The following SYNE1 variants were observed in gnomAD, a reference collection of about 807,000 sequenced individuals.
SYNE1 encodes nesprin-1.
SYNE1 carries 616 observed loss-of-function variants against 1,111.0 expected under a neutral mutation model. The ratio of observed to expected loss-of-function variants is 0.55; its 90% CI spans 0.52 to 0.59. SYNE1 has a LOEUF of 0.59. Ranked by LOEUF, SYNE1 falls within the 20% of genes least tolerant of loss-of-function variation. The pLI is 0.00. For missense variants in SYNE1, 10,006 were observed against 10,417.0 expected (o/e 0.96, Z 1.72); for synonymous variants, 3,855 against 3,825.8 (o/e 1.01, Z -0.28).
At chr6:152,575,872 C>T (rs2099494491) in intron 3 of SYNE1, among the ~76,000 whole-genome samples, 1 of 152,204 alleles carries the variant, frequency 6.6e-6, no homozygotes, top group African/African-American at 2.4e-5. Flanking sequence ...TACTTTCTAT[C>T]TTAGCAACTT....
In SYNE1 at chr6:152,247,696, C is replaced by T. The variant is rs547468645; in HGVS notation, c.19572+1465G>A. ...ACCAGCCTGGGCAACAAAGTGAGACCCTATCTCCATATTAAAATATATATT... is the reference window on the plus strand; with the variant it reads ...ACCAGCCTGGGCAACAAAGTGAGACTCTATCTCCATATTAAAATATATATT... On this transcript the variant is annotated intron_variant, in intron 105 of 145. Coordinates refer to ENST00000367255, the MANE Select transcript of SYNE1 (RefSeq NM_182961.4). Among the ~76,000 whole-genome samples the T allele has an allele frequency of 5.8e-5, 8 of 137,182 alleles. 2 individuals carry two copies. In the South Asian group the frequency reaches 2.0e-3, roughly 34 times the overall value. 90.0% of individuals were successfully genotyped at this position (137,182 alleles called of 152,430 possible). A position where few individuals can be genotyped will look rare whatever the true frequency, so the allele number is the denominator to read the frequency against.
In SYNE1 at chr6:152,321,831, G is replaced by T. The variant is rs781354327; in HGVS notation, c.15973C>A (p.Arg5325=). 2 of 1,613,736 alleles carry T rather than the reference G, an allele frequency of 1.2e-6. No homozygotes were observed. The highest frequency in any genetic ancestry group is 1.3e-5 in the African/African-American group (1 of 74,938). ...GKLVKQELKD[R]EMVETQINSV... ...TTGATCTGAGTCTCCACCATTTCTC[G>T]GTCCTTCAGCTCTTGCTTCACCAAC... Residue 5325 remains arginine, a synonymous_variant, in exon 83 of 146, where the codon CGA becomes AGA. Coordinates refer to ENST00000367255, the MANE Select transcript of SYNE1 (RefSeq NM_182961.4).
chr6:152,465,760 AACACATACACACAC>A (rs2098761312), intron 17 of SYNE1, among the ~76,000 whole-genome samples: 3 of 133,212 alleles, frequency 2.3e-5, no homozygotes, highest in Admixed American at 2.2e-4. Context: ...CTCTTAGAAG[AACACATACACACAC>A]ACACACACAC....
chr6:152,594,732 A>T (rs973373337), intron 3 of SYNE1, among the ~76,000 whole-genome samples: 1 of 152,234 alleles, frequency 6.6e-6, no homozygotes, highest in Admixed American at 6.5e-5. Context: ...AACTCTTCCA[A>T]GGAATTTCTA....
At chr6:152,417,674 C>CAT (rs2098183831) in intron 40 of SYNE1, among the ~76,000 whole-genome samples, 1 of 151,902 alleles carries the variant, frequency 6.6e-6, no homozygotes, top group Non-Finnish European at 1.5e-5. Context: ...TTTAAAGATG[C>CAT]ATATATGTAT....
chr6:152,474,672 C>A (rs887546458), intron 14 of SYNE1: 2 of 152,142 alleles, frequency 1.3e-5, no homozygotes, highest in African/African-American at 4.8e-5. Flanking sequence ...TACTTGACAA[C>A]AATGTGTAAG....
At chr6:152,231,811 T>C (rs990506235) in intron 113 of SYNE1, among the ~76,000 whole-genome samples, 20 of 152,158 alleles carry the variant, frequency 1.3e-4, no homozygotes, top group Admixed American at 5.2e-4. Flanking sequence ...TGTATATATA[T>C]ATTTAGGTAG....
chr6:152,127,014 A>G (rs1414459301), intron 145 of SYNE1: 1 of 152,166 alleles, frequency 6.6e-6, no homozygotes, highest in East Asian at 1.9e-4. Context: ...TCCTGCCCTT[A>G]TGTGTCTTGT....
At chr6:152,170,458 AC>A (rs1413269439) in intron 130 of SYNE1, among the ~76,000 whole-genome samples, 1 of 152,182 alleles carries the variant, frequency 6.6e-6, no homozygotes, top group Non-Finnish European at 1.5e-5. Flanking sequence ...ACTCAGTAAG[AC>A]CTGGGCCACA....
At chr6:152,332,756 TA>T (rs1237435071) in intron 77 of SYNE1, among the ~76,000 whole-genome samples, 1 of 152,232 alleles carries the variant, frequency 6.6e-6, no homozygotes, top group African/African-American at 2.4e-5. Context: ...TAATCTTTAG[TA>T]ATAAGTGTGA....
chr6:152,321,397 A>G lies in SYNE1; in HGVS notation c.16084-7T>C. Reference sequence around the variant, plus strand: ...TGGCTTCTGTTAGGAGAATCTGAAGAAAAGATCAAAATAAGAAATTTCTGG... The same window carrying G: ...TGGCTTCTGTTAGGAGAATCTGAAGGAAAGATCAAAATAAGAAATTTCTGG... On this transcript the variant is annotated splice_polypyrimidine_tract_variant and splice_region_variant and intron_variant, in intron 83 of 145. Coordinates refer to ENST00000367255, the MANE Select transcript of SYNE1 (RefSeq NM_182961.4). The G allele has an allele frequency of 6.2e-7, 1 of 1,613,424 alleles. No individual in the cohort carries two copies. The highest frequency in any genetic ancestry group is 8.5e-7 in the Non-Finnish European group (1 of 1,179,836).
In SYNE1 at chr6:152,336,891, G is replaced by T. The variant is rs774613802; in HGVS notation, c.12478C>A (p.His4160Asn). The change falls in exon 76 of 146, where the codon CAC becomes AAC. Residue 4160 changes from histidine to asparagine, a missense_variant. Coordinates refer to ENST00000367255, the MANE Select transcript of SYNE1 (RefSeq NM_182961.4). ...GCAATGTTCAGCTCCAGCTCAGAGT[G>T]CCTCCTCTTCATGTTCTGCAGTTGC... ...DQQLQNMKRR[H>N]SELELNIAQN... The T allele has an allele frequency of 1.4e-5, 23 of 1,613,990 alleles. 1 individual carries two copies. The South Asian group carries it at 2.2e-4, about 15-fold the overall frequency.
At chr6:152,429,306 C>T (rs1224212334) in intron 36 of SYNE1, among the ~76,000 whole-genome samples, 1 of 152,006 alleles carries the variant, frequency 6.6e-6, no homozygotes, top group East Asian at 1.9e-4. Flanking sequence ...AGAATATTAG[C>T]CTCTTTGGTC....
intron 19 of SYNE1, 104 bp from the exon 20 acceptor site, chr6:152,462,994 A>T (rs1469029154): frequency 7.4e-7 from 1 of 1,349,432 alleles, no homozygotes; most frequent in Non-Finnish European, 1.1e-6. Context: ...TTATCCGGTA[A>T]GAAAGACTCT....
intron 32 of SYNE1, among the ~76,000 whole-genome samples, chr6:152,437,410 T>C (rs1316790602): frequency 2.0e-5 from 3 of 152,206 alleles, no homozygotes; most frequent in Non-Finnish European, 2.9e-5. Context: ...AAGGTTACTG[T>C]TAGCATTCTA....
intron 66 of SYNE1, among the ~76,000 whole-genome samples, chr6:152,355,187 TACAC>T (rs371031930): frequency 1.3e-5 from 2 of 151,936 alleles, no homozygotes; most frequent in African/African-American, 4.8e-5. Context: ...ATAATCAACA[TACAC>T]ACACACACAC....
chr6:152,460,944 C>A (rs1174385201), intron 21 of SYNE1, among the ~76,000 whole-genome samples: 4 of 151,106 alleles, frequency 2.6e-5, no homozygotes, highest in African/African-American at 9.7e-5. Context: ...TCCTGAGTAG[C>A]TGGGATTATA....
At chr6:152,530,297 T>A (rs1249381568) in intron 4 of SYNE1, among the ~76,000 whole-genome samples, 1 of 152,172 alleles carries the variant, frequency 6.6e-6, no homozygotes, top group Non-Finnish European at 1.5e-5. Flanking sequence ...TTTATTTACT[T>A]GCAACAAAAT....
chr6:152,352,385 G>T (rs773622645), intron 69 of SYNE1, 32 bp from the exon 70 acceptor site: 7 of 1,592,536 alleles, frequency 4.4e-6, no homozygotes, highest in Non-Finnish European at 6.0e-6. Flanking sequence ...AGCAAAGGTA[G>T]TCTTGTTTCT....
Sources: gnomAD v4.1 joint callset for allele counts (sites outside exome capture counted in the v4.1 genomes callset) on GRCh38, gnomAD v4.1.1 for gene constraint, MANE v1.5 for transcripts, NCBI Gene and HGNC (gene_info 2026-07-23, HGNC 2026-07-21) for gene names.